Variants in NKAIN3 observed in about 807,000 individuals in gnomAD.
NKAIN3 encodes sodium/potassium-transporting ATPase subunit beta-1-interacting protein 3.
NKAIN3 carries 25 observed loss-of-function variants against 30.2 expected under a neutral mutation model. That is an observed-to-expected ratio of 0.83 (90% confidence interval 0.60 to 1.16). The LOEUF is 1.16. Ranked by LOEUF, NKAIN3 falls within the 50% of genes most tolerant of loss-of-function variation. The probability of loss-of-function intolerance (pLI) is 0.00; values close to 1 mark genes in which losing one functional copy is unlikely to be tolerated. For synonymous variants in NKAIN3, 91 were observed against 89.6 expected, an observed-to-expected ratio of 1.02 and a Z score of -0.09; for missense variants, 225 against 254.1, an observed-to-expected ratio of 0.89 and a Z score of 0.78.
chr8:62,493,363 A>G (rs947173779), intron 1 of NKAIN3, among the ~76,000 whole-genome samples: 4 of 151,890 alleles, frequency 2.6e-5, no homozygotes, highest in Admixed American at 6.6e-5. Context: ...TGGGCTCTCT[A>G]TTCTGCTCCA....
chr8:62,699,051 C>A (rs1031406075), intron 3 of NKAIN3, among the ~76,000 whole-genome samples: 1 of 152,118 alleles, frequency 6.6e-6, no homozygotes, highest in Admixed American at 6.6e-5. Flanking sequence ...GAAATAAATT[C>A]GGATATGCTG....
intron 1 of NKAIN3, among the ~76,000 whole-genome samples, chr8:62,575,604 G>GA (rs1226393439): frequency 1.5e-4 from 23 of 151,952 alleles, no homozygotes; most frequent in Admixed American, 1.5e-3. Context: ...CACAGAAATA[G>GA]AAAAAACAAT....
At chr8:62,875,529 CA>C (rs1160850437) in intron 4 of NKAIN3, among the ~76,000 whole-genome samples, 1 of 152,096 alleles carries the variant, frequency 6.6e-6, no homozygotes, top group East Asian at 1.9e-4. Context: ...CAATCTTCAG[CA>C]AAAAGAACAA....
Position 62,593,352 on chromosome 8 carries a change from A to T in NKAIN3, c.273+3558A>T, listed in dbSNP as rs192734898. The stretch of plus-strand genomic sequence containing the variant: ...CAAAATTAAAGTACATAATTAAAAA[A>T]AAATCTTCTTTGTGGATGAATTCCT... On this transcript the variant is annotated intron_variant, in intron 3 of 6. Transcript: ENST00000623646. Among the ~76,000 whole-genome samples the T allele has an allele frequency of 3.3e-5, 5 of 152,166 alleles. No individual in the cohort carries two copies. The East Asian group carries it at 9.7e-4, about 30-fold the overall frequency.
intron 3 of NKAIN3, among the ~76,000 whole-genome samples, chr8:62,642,226 G>A (rs896680254): frequency 6.6e-6 from 1 of 152,118 alleles, no homozygotes. Context: ...TCACTGGTAA[G>A]CTTGAGGTTC....
chr8:62,733,900 T>A (rs1815562851), intron 3 of NKAIN3, among the ~76,000 whole-genome samples: 1 of 152,248 alleles, frequency 6.6e-6, no homozygotes, highest in African/African-American at 2.4e-5. Context: ...GCTTCAATTA[T>A]GTTTTTAATC....
chr8:62,643,355 C>T (rs1280081359), intron 3 of NKAIN3, among the ~76,000 whole-genome samples: 1 of 152,050 alleles, frequency 6.6e-6, no homozygotes, highest in African/African-American at 2.4e-5. Flanking sequence ...AGGCTGGCCT[C>T]CCAAAGGAGG....
chr8:62,926,069 G>C (rs16929884), intron 5 of NKAIN3, among the ~76,000 whole-genome samples: 1 of 152,034 alleles, frequency 6.6e-6, no homozygotes, highest in Admixed American at 6.5e-5. Context: ...AGGTGGTGCC[G>C]AGTGGAAAAT....
intron 1 of NKAIN3, among the ~76,000 whole-genome samples, chr8:62,538,392 C>A (rs1442794349): frequency 6.6e-6 from 1 of 152,130 alleles, no homozygotes; most frequent in Admixed American, 6.6e-5. Context: ...CTAGGCTGTT[C>A]TCGAGCTCCT....
At chr8:62,280,586 G>A (rs1053313076) in intron 1 of NKAIN3, among the ~76,000 whole-genome samples, 1 of 152,068 alleles carries the variant, frequency 6.6e-6, no homozygotes, top group Non-Finnish European at 1.5e-5. Flanking sequence ...TAGCATGAAG[G>A]GCTATTGAAT....
At chr8:62,418,048 A>T (rs907905457) in intron 1 of NKAIN3, among the ~76,000 whole-genome samples, 3 of 152,144 alleles carry the variant, frequency 2.0e-5, no homozygotes, top group African/African-American at 7.2e-5. Context: ...CAAGTGCTTC[A>T]CACCTCACTC....
At chr8:62,817,855 G>A (rs1309638911) in intron 4 of NKAIN3, among the ~76,000 whole-genome samples, 2 of 152,108 alleles carry the variant, frequency 1.3e-5, no homozygotes, top group Non-Finnish European at 2.9e-5. Context: ...GGTCCAGCAG[G>A]TCTGAGGCTT....
intron 1 of NKAIN3, among the ~76,000 whole-genome samples, chr8:62,534,829 A>C (rs1433091050): frequency 6.7e-6 from 1 of 148,996 alleles, no homozygotes; most frequent in African/African-American, 2.5e-5. Flanking sequence ...TTCTTTCTTC[A>C]TGGTAAAAAT....
chr8:62,867,772 C>T (rs72655011), intron 4 of NKAIN3, among the ~76,000 whole-genome samples: 3,334 of 152,238 alleles, frequency 0.022, 51 homozygotes, highest in South Asian at 0.026. Flanking sequence ...CAGCATATGA[C>T]ATATTTTTCA....
intron 3 of NKAIN3, among the ~76,000 whole-genome samples, chr8:62,672,880 A>T (rs990591689): frequency 3.3e-5 from 5 of 152,164 alleles, no homozygotes; most frequent in African/African-American, 9.7e-5. Context: ...CCTATATACC[A>T]TGTAAATGTC....
At chr8:62,549,922 T>G (rs1585934447) in intron 1 of NKAIN3, among the ~76,000 whole-genome samples, 1 of 148,822 alleles carries the variant, frequency 6.7e-6, no homozygotes, top group Non-Finnish European at 1.5e-5. Context: ...TTTGCTCACC[T>G]TGTACCTCTA....
chr8:62,555,802 C>T (rs1209858564), intron 1 of NKAIN3, among the ~76,000 whole-genome samples: 1 of 151,900 alleles, frequency 6.6e-6, no homozygotes, highest in Non-Finnish European at 1.5e-5. Context: ...TTCAAAACTT[C>T]AAGAACATAG....
At chr8:62,549,415 TAAAATTTAGCCTCAATAA>T (rs1809119917) in intron 1 of NKAIN3, among the ~76,000 whole-genome samples, 1 of 152,148 alleles carries the variant, frequency 6.6e-6, no homozygotes, top group Admixed American at 6.6e-5. Flanking sequence ...TCATACTGTG[TAAAATTTAGCCTCAATAA>T]GAAGTATGGC....
At chr8:62,674,585 A>G (rs1037363290) in intron 3 of NKAIN3, among the ~76,000 whole-genome samples, 1 of 152,188 alleles carries the variant, frequency 6.6e-6, no homozygotes, top group Non-Finnish European at 1.5e-5. Context: ...CAAGGAAGTG[A>G]ATAATTAACT....
Sources: allele counts gnomAD v4.1 joint callset (sites outside exome capture counted in the v4.1 genomes callset), GRCh38; gene constraint gnomAD v4.1.1; transcripts MANE v1.5; gene names NCBI Gene and HGNC (gene_info 2026-07-23, HGNC 2026-07-21).